The following COMMD10 variants were observed in gnomAD, a reference collection of about 807,000 sequenced individuals.
COMMD10 encodes COMM domain-containing protein 10.
Under a neutral mutation model 28.9 loss-of-function variants are expected in COMMD10, and 33 were observed. The observed-to-expected ratio is 1.14, with a 90% CI of 0.87 to 1.53. The LOEUF is 1.53. Among genes scored for constraint, COMMD10 ranks in the 40% most tolerant of loss-of-function variants. The pLI is 0.00. For synonymous variants in COMMD10, 110 were observed against 81.7 expected (o/e 1.35, Z -1.87); for missense variants, 310 against 233.4 (o/e 1.33, Z -2.14).
At chr5:116,197,463 C>A (rs1561662575) in intron 5 of COMMD10, among the ~76,000 whole-genome samples, 1 of 152,010 alleles carries the variant, frequency 6.6e-6, no homozygotes, top group African/African-American at 2.4e-5. Context: ...CTCACTGCAA[C>A]CTCTACCTCC....
chr5:116,269,525 A>G lies in COMMD10; in HGVS notation c.511-21992A>G, dbSNP rs57894479. 9.5e-3 allele frequency among the ~76,000 whole-genome samples: 1,438 copies of G among 151,940 alleles called. 55 individuals carry two copies. Among genetic ancestry groups the G allele is most frequent in the African/African-American group, 0.033 (1,341 of 41,260 alleles). On this transcript the variant is annotated intron_variant, in intron 5 of 6. Coordinates refer to ENST00000274458, the MANE Select transcript of COMMD10 (RefSeq NM_016144.4). ...AAGTTAGAAAAATTGGATTAGTCCA[A>G]GTGATATTTTCACCTGGTATTTTTT... is the stretch of plus-strand genomic sequence containing the variant.
At chr5:116,220,964 G>C (rs1190590342) in intron 5 of COMMD10, among the ~76,000 whole-genome samples, 1 of 152,036 alleles carries the variant, frequency 6.6e-6, no homozygotes, top group African/African-American at 2.4e-5. Context: ...CTTCTTCATA[G>C]TTGTTTGGTG....
Position 116,154,397 on chromosome 5 carries a change from C to T in COMMD10, c.510+20219C>T, listed in dbSNP as rs62385214. On this transcript the variant is annotated intron_variant, in intron 5 of 6. Coordinates refer to ENST00000274458, the MANE Select transcript of COMMD10 (RefSeq NM_016144.4). ...AAAGTTATAGCATAAAAGTTACTTG[C>T]ATAAAAGTGTAAACATTTCCTGAGC... Among the ~76,000 whole-genome samples the T allele has an allele frequency of 4.5e-3, 679 of 152,202 alleles. 5 individuals are homozygous for T. Among genetic ancestry groups the T allele is most frequent in the Non-Finnish European group, 7.0e-3 (479 of 68,016 alleles).
At chr5:116,217,162 TC>T (rs1404572998) in intron 5 of COMMD10, among the ~76,000 whole-genome samples, 2 of 149,146 alleles carry the variant, frequency 1.3e-5, no homozygotes, top group Non-Finnish European at 3.0e-5. Context: ...AAAAAAAAAG[TC>T]CCCGCAATCC....
chr5:116,103,454 C>T (rs945924397), intron 4 of COMMD10, among the ~76,000 whole-genome samples: 3 of 152,186 alleles, frequency 2.0e-5, no homozygotes, highest in African/African-American at 7.2e-5. Context: ...TTTTTGGCTG[C>T]ATAAATGTCT....
intron 5 of COMMD10, among the ~76,000 whole-genome samples, chr5:116,259,375 TA>T (rs1338442867): frequency 1.3e-5 from 2 of 151,902 alleles, no homozygotes; most frequent in Non-Finnish European, 2.9e-5. Flanking sequence ...GTCTTTTCCA[TA>T]ATTGTTTTTT....
chr5:116,146,761 T>C (rs59309811), intron 5 of COMMD10, among the ~76,000 whole-genome samples: 3 of 151,886 alleles, frequency 2.0e-5, no homozygotes, highest in East Asian at 1.9e-4. Flanking sequence ...GTTAAACTTA[T>C]ATGAAGAGGA....
intron 5 of COMMD10, among the ~76,000 whole-genome samples, chr5:116,180,158 G>T (rs1486581842): frequency 6.6e-6 from 1 of 152,002 alleles, no homozygotes; most frequent in African/African-American, 2.4e-5. Context: ...GATTATATCT[G>T]TTGTATACAC....
intron 5 of COMMD10, among the ~76,000 whole-genome samples, chr5:116,271,248 AT>A (rs1005959108): frequency 6.2e-5 from 9 of 145,056 alleles, no homozygotes; most frequent in East Asian, 2.0e-4. Context: ...AGTAAAAACA[AT>A]TTTTTTTCCT....
intron 5 of COMMD10, among the ~76,000 whole-genome samples, chr5:116,210,208 A>G (rs923381942): frequency 6.6e-6 from 1 of 152,154 alleles, no homozygotes; most frequent in Non-Finnish European, 1.5e-5. Context: ...TGACCTCTCA[A>G]TACATTTGCA....
intron 5 of COMMD10, among the ~76,000 whole-genome samples, chr5:116,144,025 C>T (rs552183489): frequency 4.0e-5 from 6 of 151,862 alleles, no homozygotes; most frequent in Admixed American, 6.6e-5. Flanking sequence ...ACCTGAAAGA[C>T]GACAGGTTTA....
intron 4 of COMMD10, among the ~76,000 whole-genome samples, chr5:116,122,236 G>A (rs1412095500): frequency 1.3e-5 from 2 of 152,126 alleles, no homozygotes; most frequent in Non-Finnish European, 2.9e-5. Flanking sequence ...TATTAAATAG[G>A]GAATCCTTTC....
At chr5:116,182,088 G>A (rs1220734441) in intron 5 of COMMD10, among the ~76,000 whole-genome samples, 1 of 152,030 alleles carries the variant, frequency 6.6e-6, no homozygotes. Context: ...ACTATTTTAG[G>A]TGTAGTGATC....
At chr5:116,153,130 G>T (rs986522051) in intron 5 of COMMD10, among the ~76,000 whole-genome samples, 1 of 151,980 alleles carries the variant, frequency 6.6e-6, no homozygotes, top group Non-Finnish European at 1.5e-5. Context: ...ATATATTTTG[G>T]CTATATGTTT....
At chr5:116,222,982 G>A (rs955954826) in intron 5 of COMMD10, among the ~76,000 whole-genome samples, 5 of 152,216 alleles carry the variant, frequency 3.3e-5, no homozygotes, top group South Asian at 4.1e-4. Flanking sequence ...GAGCCACTGC[G>A]CTCAGCCGCC....
intron 5 of COMMD10, among the ~76,000 whole-genome samples, chr5:116,234,561 G>C (rs963871478): frequency 6.6e-6 from 1 of 151,338 alleles, no homozygotes; most frequent in Non-Finnish European, 1.5e-5. Flanking sequence ...GATGTAGACT[G>C]CTTGTGCCAG....
At chr5:116,259,561 A>G (rs1750382155) in intron 5 of COMMD10, among the ~76,000 whole-genome samples, 1 of 150,754 alleles carries the variant, frequency 6.6e-6, no homozygotes, top group Non-Finnish European at 1.5e-5. Flanking sequence ...TGTTTGTTGA[A>G]TAGTTGAGAG....
At chr5:116,107,569 G>T (rs571618563) in intron 4 of COMMD10, among the ~76,000 whole-genome samples, 2 of 152,146 alleles carry the variant, frequency 1.3e-5, no homozygotes, top group Non-Finnish European at 2.9e-5. Context: ...ATTCTAGTTA[G>T]CAGTTTGTTT....
chr5:116,280,811 A>G (rs1751048425), intron 5 of COMMD10, among the ~76,000 whole-genome samples: 1 of 151,864 alleles, frequency 6.6e-6, no homozygotes, highest in Non-Finnish European at 1.5e-5. Flanking sequence ...CTATAATTAT[A>G]TTGTTATAGA....
Sources: gnomAD v4.1 joint callset for allele counts (sites outside exome capture counted in the v4.1 genomes callset) on GRCh38, gnomAD v4.1.1 for gene constraint, MANE v1.5 for transcripts, NCBI Gene and HGNC (gene_info 2026-07-23, HGNC 2026-07-21) for gene names.